Variants in KIAA0408 observed in about 807,000 individuals in gnomAD.
The protein encoded by KIAA0408 is KIAA0408.
Under a neutral mutation model 60.9 loss-of-function variants are expected in KIAA0408, and 51 were observed. That is an observed-to-expected ratio of 0.84 (90% CI 0.67 to 1.06). KIAA0408 has a LOEUF of 1.06. KIAA0408 is among the 50% of genes least tolerant of loss of function. The pLI, the probability that KIAA0408 is intolerant of heterozygous loss-of-function variation, is 0.00. For synonymous variants in KIAA0408, 304 were observed against 282.4 expected, an observed-to-expected ratio of 1.08 and a Z score of -0.77; for missense variants, 787 against 833.9, an observed-to-expected ratio of 0.94 and a Z score of 0.69.
intron 4 of KIAA0408, among the ~76,000 whole-genome samples, 196 bp downstream of exon 4, chr6:127,449,626 T>G (rs1773264519): frequency 6.6e-6 from 1 of 152,148 alleles, no homozygotes; most frequent in Non-Finnish European, 1.5e-5. Context: ...CTTTCCAGCC[T>G]TGGAGACAGA....
intron 1 of KIAA0408, among the ~76,000 whole-genome samples, chr6:127,458,179 A>C (rs879670222): frequency 6.6e-6 from 1 of 152,196 alleles, no homozygotes; most frequent in Non-Finnish European, 1.5e-5. Flanking sequence ...AACCTATCAG[A>C]GTAATGTACC....
At position 127,450,295 on chromosome 6, in the gene KIAA0408, T is replaced by G; in HGVS notation, c.193A>C (p.Ile65Leu). ...KININESAKI[I>L]DLYHEKTIPE... is the part of the protein sequence containing the mutation. The stretch of plus-strand genomic sequence containing the variant: ...ATGGTCTTCTCATGGTAAAGATCAA[T>G]GATCTTAGCACTTTCATTGATATTG... The change falls in exon 3 of 6, where the codon ATT (isoleucine) becomes CTT (leucine). Residue 65 changes from isoleucine to leucine, a missense_variant. This residue lies in a region of KIAA0408 where 640 missense variants were observed against 681.3 expected (regional missense o/e 0.94). Transcript: ENST00000483725. The G allele has an allele frequency of 7.4e-6, 12 of 1,613,628 alleles. No individual in the cohort carries two copies. The highest frequency in any genetic ancestry group is 1.0e-5 in the Non-Finnish European group (12 of 1,179,918).
In KIAA0408 at chr6:127,446,894, A is replaced by C. The variant is rs1773208339; in HGVS notation, c.1425T>G (p.Cys475Trp). 1 of 1,613,968 alleles carries C rather than the reference A, an allele frequency of 6.2e-7. No individual in the cohort carries two copies. The highest frequency in any genetic ancestry group is 8.5e-7 in the Non-Finnish European group (1 of 1,179,990). The change falls in exon 5 of 6, where the codon TGT becomes TGG. Residue 475 changes from cysteine (C) to tryptophan (W), a missense_variant. Coordinates refer to ENST00000483725, the MANE Select transcript of KIAA0408 (RefSeq NM_014702.5). ...CSKSSEDLKP[C>W]DTSSTHTGSI... The stretch of plus-strand genomic sequence containing the variant: ...TACCTGTGTGAGTAGATGAGGTATC[A>C]CAGGGCTTGAGATCCTCCGATGATT...
intron 1 of KIAA0408, among the ~76,000 whole-genome samples, chr6:127,455,084 AT>A (rs924551348): frequency 5.9e-5 from 9 of 152,110 alleles, no homozygotes; most frequent in African/African-American, 1.9e-4. Flanking sequence ...AAAGTTTTCT[AT>A]TTTTTGCTTT....
intron 1 of KIAA0408, among the ~76,000 whole-genome samples, chr6:127,456,539 CT>C (rs1463574700): frequency 6.6e-6 from 1 of 152,130 alleles, no homozygotes; most frequent in Non-Finnish European, 1.5e-5. Flanking sequence ...AAACTCATCC[CT>C]TAATATGGAG....
rs1773075719 is a variant in KIAA0408 at position 127,439,803 on chromosome 6, C to T, written c.*4306G>A. 6.6e-6 allele frequency: 1 copy of T among 152,164 alleles called. No individual in the cohort carries two copies. The highest frequency in any genetic ancestry group is 1.5e-5 in the Non-Finnish European group (1 of 68,026). 9.4% of individuals were successfully genotyped at this position (152,164 alleles called of 1,614,324 possible). A position where few individuals can be genotyped will look rare whatever the true frequency, so the allele number is the denominator to read the frequency against. ...CTGCCTTGTAGTTTGTTGTAAGAAG[C>T]AGACAAGTCGTGGAATATGAATTTG... On this transcript the variant is annotated 3_prime_UTR_variant, in exon 6 of 6. Transcript: ENST00000483725.
chr6:127,446,330 T>A lies in KIAA0408; in HGVS notation c.1911+78A>T, dbSNP rs1033473104. The A allele has an allele frequency of 2.6e-5, 39 of 1,522,196 alleles. No individual in the cohort carries two copies. In the African/African-American group the frequency reaches 5.3e-4, roughly 21 times the overall value. The allele number at this position is 1,522,196 out of a possible 1,614,324, so 94.3% of individuals were successfully genotyped here. A position where few individuals can be genotyped will look rare whatever the true frequency, so the allele number is the denominator to read the frequency against. ...AACTTGTGCCCTCATTCTATTTATATGAATTGGACATATAAACATGATTCA... is the reference window on the plus strand; with the variant it reads ...AACTTGTGCCCTCATTCTATTTATAAGAATTGGACATATAAACATGATTCA... On this transcript the variant is annotated intron_variant, in intron 5 of 5. Transcript: ENST00000483725.
intron 5 of KIAA0408, among the ~76,000 whole-genome samples, chr6:127,445,391 A>G (rs1196377097): frequency 1.3e-5 from 2 of 152,208 alleles, no homozygotes; most frequent in Non-Finnish European, 1.5e-5. Context: ...GCTCAATTAA[A>G]AAGCAGAGAA....
At position 127,450,063 on chromosome 6, in the gene KIAA0408, T is replaced by G; in HGVS notation, c.425A>C (p.Lys142Thr). 6.2e-7 allele frequency: 1 copy of G among 1,614,142 alleles called. No homozygotes were observed. The highest frequency in any genetic ancestry group is 1.3e-5 in the African/African-American group (1 of 75,058). Residue 142 changes from lysine (K) to threonine (T), a missense_variant, in exon 3 of 6, where the codon AAG becomes ACG. Coordinates refer to ENST00000483725, the MANE Select transcript of KIAA0408 (RefSeq NM_014702.5). Reference protein sequence around the residue: ...FLDPLATDNQKECEAWPDLRT... With the variant: ...FLDPLATDNQTECEAWPDLRT... The stretch of plus-strand genomic sequence containing the variant: ...CAGGTCAGGCCAGGCCTCACATTCC[T>G]TTTGGTTGTCTGTAGCCAAAGGATC...
rs1490908174 is a variant in KIAA0408 at position 127,441,527 on chromosome 6, G to A, written c.*2582C>T. On this transcript the variant is annotated 3_prime_UTR_variant, in exon 6 of 6. Transcript: ENST00000483725. ...TCTGCTGAACTAAAATAATATTTTTGCTCCAAAAGTCTGCTAGGGAAAACA... is the reference window on the plus strand; with the variant it reads ...TCTGCTGAACTAAAATAATATTTTTACTCCAAAAGTCTGCTAGGGAAAACA... 1 of 151,966 alleles carries A rather than the reference G, an allele frequency of 6.6e-6. No homozygotes were observed. Among genetic ancestry groups the A allele is most frequent in the African/African-American group, 2.4e-5 (1 of 41,266 alleles). 9.4% of individuals were successfully genotyped at this position (151,966 alleles called of 1,614,324 possible).
In KIAA0408 at chr6:127,447,086, A is replaced by G. The variant is rs772115810; in HGVS notation, c.1233T>C (p.Cys411=). The G allele has an allele frequency of 1.9e-6, 3 of 1,613,816 alleles. No individual in the cohort carries two copies. The highest frequency in any genetic ancestry group is 2.5e-6 in the Non-Finnish European group (3 of 1,179,968). ...TACTGCTCTCTGCTACTGAGGAGCT[A>G]CAGTCATTACTTACATGAAGATCAG... ...SHPDLHVSND[C]SSSVAESSSP... Residue 411 remains cysteine (C), a synonymous_variant, in exon 5 of 6, where the codon TGT becomes TGC. Coordinates refer to ENST00000483725, the MANE Select transcript of KIAA0408 (RefSeq NM_014702.5).
chr6:127,445,958 A>G (rs903251989), intron 5 of KIAA0408, among the ~76,000 whole-genome samples: 1 of 152,176 alleles, frequency 6.6e-6, no homozygotes, highest in Non-Finnish European at 1.5e-5. Flanking sequence ...GATTAATCCT[A>G]TGAGAAAGAA....
Position 127,441,263 on chromosome 6 carries a change from A to G in KIAA0408, c.*2846T>C, listed in dbSNP as rs146585176. On this transcript the variant is annotated 3_prime_UTR_variant, in exon 6 of 6. Transcript: ENST00000483725. The stretch of plus-strand genomic sequence containing the variant: ...TTTATGGCCACATCTGCAAAATGAA[A>G]TATGATCATCTTCATTGTCGATATA... 1 of 152,798 alleles carries G rather than the reference A, an allele frequency of 6.5e-6. No individual in the cohort carries two copies. The highest frequency in any genetic ancestry group is 2.4e-5 in the African/African-American group (1 of 41,582). 9.5% of individuals were successfully genotyped at this position (152,798 alleles called of 1,614,324 possible).
At chr6:127,448,064 TTC>T in intron 4 of KIAA0408, among the ~76,000 whole-genome samples, 1 of 152,316 alleles carries the variant, frequency 6.6e-6, no homozygotes, top group East Asian at 1.9e-4. Flanking sequence ...CTACTGGCAT[TTC>T]TCTCTCTGTA....
At position 127,446,812 on chromosome 6, in the gene KIAA0408, C is replaced by T. The variant is rs762224628; in HGVS notation, c.1507G>A (p.Val503Met). 4 of 1,613,868 alleles carry T rather than the reference C, an allele frequency of 2.5e-6. No homozygotes were observed. The South Asian group carries it at 3.3e-5, about 13-fold the overall frequency. Reference protein sequence around the residue: ...GIWKTNAHMPVPMENVPDNPT... With the variant: ...GIWKTNAHMPMPMENVPDNPT... ...TTATCAGGCACATTTTCCATGGGCA[C>T]AGGCATGTGGGCATTGGTTTTCCAA... The change falls in exon 5 of 6, where the codon GTG (valine) becomes ATG (methionine). Residue 503 changes from valine to methionine, a missense_variant. By Grantham distance (21) the Val-to-Met change is conservative. This residue lies in a region of KIAA0408 where 640 missense variants were observed against 681.3 expected (regional missense o/e 0.94). Transcript: ENST00000483725.
chr6:127,442,827 A>G lies in KIAA0408; in HGVS notation c.*1282T>C, dbSNP rs1203673051. On this transcript the variant is annotated 3_prime_UTR_variant, in exon 6 of 6. Transcript: ENST00000483725. ...TTTTATATAGTGACAGTAGAGAGCA[A>G]AGTTCCTTCTAAAATCTTCCATTTA... 6.6e-6 allele frequency: 1 copy of G among 152,208 alleles called. No individual in the cohort carries two copies. The highest frequency in any genetic ancestry group is 1.5e-5 in the Non-Finnish European group (1 of 68,034). 9.4% of individuals were successfully genotyped at this position (152,208 alleles called of 1,614,324 possible). A position where few individuals can be genotyped will look rare whatever the true frequency, so the allele number is the denominator to read the frequency against.
Position 127,442,819 on chromosome 6 carries a change from A to G in KIAA0408, c.*1290T>C, listed in dbSNP as rs1554255911. 1.3e-5 allele frequency: 2 copies of G among 152,254 alleles called. No individual in the cohort carries two copies. The highest frequency in any genetic ancestry group is 2.9e-5 in the Non-Finnish European group (2 of 68,040). 9.4% of individuals were successfully genotyped at this position (152,254 alleles called of 1,614,324 possible). A position where few individuals can be genotyped will look rare whatever the true frequency, so the allele number is the denominator to read the frequency against. On this transcript the variant is annotated 3_prime_UTR_variant, in exon 6 of 6. Coordinates refer to ENST00000483725, the MANE Select transcript of KIAA0408 (RefSeq NM_014702.5). Reference sequence around the variant, plus strand: ...ATAATTGGTTTTATATAGTGACAGTAGAGAGCAAAGTTCCTTCTAAAATCT... The same window carrying G: ...ATAATTGGTTTTATATAGTGACAGTGGAGAGCAAAGTTCCTTCTAAAATCT...
At position 127,440,572 on chromosome 6, in the gene KIAA0408, C is replaced by G. The variant is rs1035511391; in HGVS notation, c.*3537G>C. 3.9e-5 allele frequency: 6 copies of G among 152,092 alleles called. No individual in the cohort carries two copies. In the East Asian group the frequency reaches 7.7e-4, roughly 20 times the overall value. 9.4% of individuals were successfully genotyped at this position (152,092 alleles called of 1,614,324 possible). The stretch of plus-strand genomic sequence containing the variant: ...CCATCTCCTGACCTCGTGATCCCCC[C>G]ACCTTGGCCTCCCAAAGTGCTGGGA... On this transcript the variant is annotated 3_prime_UTR_variant, in exon 6 of 6. Coordinates refer to ENST00000483725, the MANE Select transcript of KIAA0408 (RefSeq NM_014702.5).
Position 127,449,906 on chromosome 6 carries a change from A to G in KIAA0408, c.499-5T>C, listed in dbSNP as rs773348273. The stretch of plus-strand genomic sequence containing the variant: ...CTTCGCAAGTTCTTCAAGAGCCTTT[A>G]CACATATAAGCAACAGCCCGTTAGC... On this transcript the variant is annotated splice_polypyrimidine_tract_variant and splice_region_variant and intron_variant, in intron 3 of 5. Coordinates refer to ENST00000483725, the MANE Select transcript of KIAA0408 (RefSeq NM_014702.5). The G allele has an allele frequency of 1.2e-6, 2 of 1,614,008 alleles. No homozygotes were observed. Among genetic ancestry groups the G allele is most frequent in the South Asian group, 1.1e-5 (1 of 91,078 alleles).
Sources: gnomAD v4.1 joint callset for allele counts (sites outside exome capture counted in the v4.1 genomes callset) on GRCh38, gnomAD v4.1.1 for gene constraint, gnomAD v4.1.1 regional missense constraint, MANE v1.5 for transcripts, NCBI Gene and HGNC (gene_info 2026-07-23, HGNC 2026-07-21) for gene names.